Variants in TXLNB observed in about 807,000 individuals in gnomAD.
The protein encoded by TXLNB is taxilin beta.
TXLNB carries 37 observed loss-of-function variants against 57.4 expected under a neutral mutation model. The observed-to-expected ratio is 0.64, with a 90% CI of 0.50 to 0.85. The LOEUF (loss-of-function observed/expected upper bound fraction) is 0.85, where lower values mean the gene tolerates loss of function less well. Ranked by LOEUF, TXLNB falls within the 40% of genes least tolerant of loss-of-function variation. TXLNB has a pLI of 0.00. For missense variants in TXLNB, 848 were observed against 825.6 expected, an observed-to-expected ratio of 1.03 and a Z score of -0.33; for synonymous variants, 302 against 309.6, an observed-to-expected ratio of 0.98 and a Z score of 0.26.
chr6:139,264,920 A>C (rs1776576438), intron 4 of TXLNB, among the ~76,000 whole-genome samples: 1 of 152,168 alleles, frequency 6.6e-6, no homozygotes, highest in Non-Finnish European at 1.5e-5. Context: ...ATTTGAGTCC[A>C]TTGTTAGAAG....
chr6:139,247,452 T>G (rs530996692), intron 8 of TXLNB, among the ~76,000 whole-genome samples: 21 of 149,154 alleles, frequency 1.4e-4, no homozygotes, highest in Middle Eastern at 3.5e-3. Context: ...AAGTTTTTGT[T>G]TTTTTTTTTT....
chr6:139,200,087 T>A, the TXLNB span: 1 of 152,142 alleles, frequency 6.6e-6, no homozygotes, highest in Admixed American at 6.5e-5. Context: ...CTGGAAGATA[T>A]GGGACTCCTT....
intron 4 of TXLNB, among the ~76,000 whole-genome samples, chr6:139,269,681 C>A (rs920144670): frequency 3.9e-5 from 6 of 152,194 alleles, no homozygotes; most frequent in Non-Finnish European, 8.8e-5. Flanking sequence ...TAATAACTAC[C>A]TTACAGGAAC....
the TXLNB span, among the ~76,000 whole-genome samples, chr6:139,181,035 G>GTTGA: frequency 3.9e-5 from 6 of 152,214 alleles, no homozygotes; most frequent in African/African-American, 1.2e-4. Flanking sequence ...GTATGACAAA[G>GTTGA]TTGATTCTAT....
At chr6:139,301,558 T>C in the TXLNB span, among the ~76,000 whole-genome samples, 1 of 152,038 alleles carries the variant, frequency 6.6e-6, no homozygotes, top group Non-Finnish European at 1.5e-5. Flanking sequence ...AAGAGTAAGC[T>C]CTTGAGATGG....
the TXLNB span, among the ~76,000 whole-genome samples, chr6:139,303,540 AG>A: frequency 6.6e-6 from 1 of 152,186 alleles, no homozygotes; most frequent in Non-Finnish European, 1.5e-5. Context: ...TATGTAGAAA[AG>A]GTTAAGCTTA....
chr6:139,316,926 A>C, the TXLNB span, among the ~76,000 whole-genome samples: 1 of 152,244 alleles, frequency 6.6e-6, no homozygotes, highest in African/African-American at 2.4e-5. Context: ...GTTCAATACT[A>C]GTCATGTACT....
Position 139,242,460 on chromosome 6 carries a change from G to A in TXLNB, c.*66C>T. The A allele has an allele frequency of 1.5e-6, 2 of 1,365,086 alleles. No individual in the cohort carries two copies. Among genetic ancestry groups the A allele is most frequent in the Non-Finnish European group, 1.9e-6 (2 of 1,041,828 alleles). The allele number at this position is 1,365,086 out of a possible 1,614,324, so 84.6% of individuals were successfully genotyped here. On this transcript the variant is annotated 3_prime_UTR_variant, in exon 10 of 10. Transcript: ENST00000358430. ...ATCTCTAGCCCTTAATGCCTTTTTC[G>A]GAAGACAAGCTGTTATGCTGAATAT...
At chr6:139,235,718 G>C (rs548234710), downstream of TXLNB, among the ~76,000 whole-genome samples, 1 of 151,686 alleles carries the variant, frequency 6.6e-6, no homozygotes, top group African/African-American at 2.4e-5. Context: ...CCCAGGGACC[G>C]AGGTGAGGAC....
At chr6:139,223,921 T>C in the TXLNB span, among the ~76,000 whole-genome samples, 5 of 150,556 alleles carry the variant, frequency 3.3e-5, no homozygotes, top group Non-Finnish European at 5.9e-5. Flanking sequence ...AGAAATACCA[T>C]TTGACCCAGC....
chr6:139,164,655 G>A, the TXLNB span, among the ~76,000 whole-genome samples: 3 of 152,278 alleles, frequency 2.0e-5, no homozygotes, highest in Non-Finnish European at 4.4e-5. Context: ...GGAAATGCAA[G>A]CAAGAATGTA....
intron 2 of TXLNB, among the ~76,000 whole-genome samples, chr6:139,284,955 A>G (rs534284802): frequency 2.1e-5 from 3 of 145,644 alleles, no homozygotes; most frequent in African/African-American, 7.6e-5. Context: ...AGTGTTTAAA[A>G]TAATATGCTA....
At chr6:139,319,288 T>G in the TXLNB span, among the ~76,000 whole-genome samples, 1 of 146,698 alleles carries the variant, frequency 6.8e-6, no homozygotes, top group Non-Finnish European at 1.5e-5. Flanking sequence ...TTTGCAGAGA[T>G]GTGGTTTTGC....
At chr6:139,244,071 T>C (rs1201433443) in intron 9 of TXLNB, among the ~76,000 whole-genome samples, 1 of 152,166 alleles carries the variant, frequency 6.6e-6, no homozygotes, top group African/African-American at 2.4e-5. Context: ...ATCTTTGCCT[T>C]TGGACTCTCA....
the TXLNB span, among the ~76,000 whole-genome samples, chr6:139,207,065 G>T: frequency 1.3e-5 from 2 of 152,136 alleles, no homozygotes; most frequent in Non-Finnish European, 2.9e-5. Context: ...ACAGCAGTAG[G>T]CAGATCATCA....
chr6:139,274,365 A>C (rs1032445549), intron 3 of TXLNB, among the ~76,000 whole-genome samples: 5 of 152,224 alleles, frequency 3.3e-5, no homozygotes, highest in African/African-American at 1.2e-4. Context: ...ATCAGTGAGC[A>C]AGGAAATAGG....
the TXLNB span, among the ~76,000 whole-genome samples, chr6:139,225,428 A>G: frequency 6.6e-6 from 1 of 152,204 alleles, no homozygotes; most frequent in Non-Finnish European, 1.5e-5. Flanking sequence ...AGAATATCCA[A>G]AAACATCTGC....
the TXLNB span, among the ~76,000 whole-genome samples, chr6:139,225,396 T>C: frequency 1.3e-5 from 2 of 152,186 alleles, no homozygotes. Context: ...CCATTATTTC[T>C]AGATGACATG....
At chr6:139,191,723 T>G in the TXLNB span, among the ~76,000 whole-genome samples, 1 of 152,212 alleles carries the variant, frequency 6.6e-6, no homozygotes, top group African/African-American at 2.4e-5. Flanking sequence ...TACTTATTCA[T>G]TTTTGGTTAT....
Sources: gnomAD v4.1 joint callset for allele counts (sites outside exome capture counted in the v4.1 genomes callset) on GRCh38, gnomAD v4.1.1 for gene constraint, MANE v1.5 for transcripts, NCBI Gene and HGNC (gene_info 2026-07-23, HGNC 2026-07-21) for gene names.